Variants in BARX2 observed in about 807,000 individuals in gnomAD.
The protein encoded by BARX2 is BARX homeobox 2.
A neutral mutation model predicts 25.5 loss-of-function variants in BARX2; 11 were observed. The ratio of observed to expected loss-of-function variants is 0.43; its 90% confidence interval spans 0.27 to 0.71. BARX2 has a LOEUF of 0.71. BARX2 is among the 30% of genes least tolerant of loss of function. The pLI is 0.19. For missense variants in BARX2, 360 were observed against 359.9 expected (o/e 1.00, Z 0.00); for synonymous variants, 137 against 149.5 (o/e 0.92, Z 0.61).
intron 1 of BARX2, among the ~76,000 whole-genome samples, chr11:129,416,229 G>A (rs11221706): frequency 0.03 from 4,631 of 152,318 alleles, 199 homozygotes; most frequent in South Asian, 0.16. Context: ...TCACCTTGCA[G>A]TGTTTGGGAA....
intron 1 of BARX2, among the ~76,000 whole-genome samples, chr11:129,416,474 A>G (rs60473222): frequency 0.018 from 2,736 of 152,318 alleles, 74 homozygotes; most frequent in African/African-American, 0.059. Flanking sequence ...AGGGTTTCCA[A>G]TGGATTATCT....
At chr11:129,382,167 C>T (rs1861571764) in intron 1 of BARX2, among the ~76,000 whole-genome samples, 1 of 152,066 alleles carries the variant, frequency 6.6e-6, no homozygotes, top group South Asian at 2.1e-4. Context: ...GAGGCCTCTT[C>T]ATTTGTTTTT....
Position 129,438,423 on chromosome 11 carries a change from T to C in BARX2, c.488+1372T>C, listed in dbSNP as rs1441768447. ...AGCTAATAATGTGTGATCCTATTTA[T>C]TGGGGAGATTTCTCAGGTCCTTCTT... On this transcript the variant is annotated intron_variant, in intron 2 of 3. Coordinates refer to ENST00000281437, the MANE Select transcript of BARX2 (RefSeq NM_003658.5). 3 of 152,148 alleles carry C rather than the reference T, an allele frequency of 2.0e-5. No homozygotes were observed. In the East Asian group the frequency reaches 5.8e-4, roughly 29 times the overall value. The allele number at this position is 152,148 out of a possible 1,614,324, so 9.4% of individuals were successfully genotyped here.
chr11:129,445,017 A>ATAAAT (rs1565523884), intron 3 of BARX2, among the ~76,000 whole-genome samples: 1 of 151,846 alleles, frequency 6.6e-6, no homozygotes, highest in Non-Finnish European at 1.5e-5. Flanking sequence ...TAAAAATAAA[A>ATAAAT]TAAATAAATA....
chr11:129,417,142 C>G lies in BARX2; in HGVS notation c.188-19609C>G, dbSNP rs551358366. Among the ~76,000 whole-genome samples the G allele has an allele frequency of 3.9e-5, 6 of 152,242 alleles. No individual in the cohort carries two copies. In the East Asian group the frequency reaches 9.7e-4, roughly 25 times the overall value. On this transcript the variant is annotated intron_variant, in intron 1 of 3. Transcript: ENST00000281437. ...GGTCTCGAACTCCTGACCTCGTGAT[C>G]CACCCACCTTGGCCTCCCAAAGTGC...
Position 129,376,039 on chromosome 11 carries a change from C to A in BARX2, c.4C>A (p.His2Asn). M[H>N]CHAELRLSSP... ...CGGACGCTCGCGCCGGCTCACCATG[C>A]ACTGCCACGCCGAGCTGAGGCTGAG... The change falls in exon 1 of 4, where the codon CAC becomes AAC. Residue 2 changes from histidine (H) to asparagine (N), a missense_variant. Coordinates refer to ENST00000281437, the MANE Select transcript of BARX2 (RefSeq NM_003658.5). The surrounding 1 kb of genome is among the most constrained non-coding windows in gnomAD (Gnocchi z 4.2). 6.4e-7 allele frequency: 1 copy of A among 1,567,956 alleles called. No individual in the cohort carries two copies. Among genetic ancestry groups the A allele is most frequent in the Non-Finnish European group, 8.6e-7 (1 of 1,160,904 alleles).
At chr11:129,389,378 A>G (rs1861645301) in intron 1 of BARX2, among the ~76,000 whole-genome samples, 1 of 152,170 alleles carries the variant, frequency 6.6e-6, no homozygotes. Flanking sequence ...AGCTGCTTTT[A>G]AGACCCCTTG....
chr11:129,412,245 C>A (rs1275264621), intron 1 of BARX2, among the ~76,000 whole-genome samples: 1 of 150,710 alleles, frequency 6.6e-6, no homozygotes, highest in Non-Finnish European at 1.5e-5. Flanking sequence ...GCACTCCAGC[C>A]TGGGCTACAG....
chr11:129,385,943 C>T (rs901699227), intron 1 of BARX2, among the ~76,000 whole-genome samples: 3 of 152,178 alleles, frequency 2.0e-5, no homozygotes, highest in Non-Finnish European at 4.4e-5. Context: ...GCTTGTTGTA[C>T]ATAGTCTCAC....
chr11:129,391,982 A>G (rs1250445265), intron 1 of BARX2, among the ~76,000 whole-genome samples: 1 of 152,188 alleles, frequency 6.6e-6, no homozygotes, highest in Non-Finnish European at 1.5e-5. Context: ...AGTAATGGTA[A>G]TAAAAGTTAC....
At chr11:129,428,298 A>G (rs1591442506) in intron 1 of BARX2, among the ~76,000 whole-genome samples, 1 of 152,224 alleles carries the variant, frequency 6.6e-6, no homozygotes, top group South Asian at 2.1e-4. Flanking sequence ...TCCCCAGTCA[A>G]CGTTTTCACA....
chr11:129,377,538 A>G (rs1309774703), intron 1 of BARX2, among the ~76,000 whole-genome samples: 3 of 152,256 alleles, frequency 2.0e-5, no homozygotes, highest in East Asian at 3.8e-4. Context: ...CAAGAAATAT[A>G]TGAAACAAGG....
chr11:129,411,104 G>A (rs1280352910), intron 1 of BARX2, among the ~76,000 whole-genome samples: 1 of 152,188 alleles, frequency 6.6e-6, no homozygotes, highest in Non-Finnish European at 1.5e-5. Flanking sequence ...GGGCCCAGTG[G>A]CTCACGCCTG....
chr11:129,394,962 A>G (rs1861703286), intron 1 of BARX2, among the ~76,000 whole-genome samples: 1 of 151,236 alleles, frequency 6.6e-6, no homozygotes, highest in Non-Finnish European at 1.5e-5. Context: ...ACTGGAAAGA[A>G]AACCAAAGCC....
chr11:129,445,757 A>G (rs544160434), intron 3 of BARX2, among the ~76,000 whole-genome samples: 2 of 152,336 alleles, frequency 1.3e-5, no homozygotes, highest in South Asian at 2.1e-4. Flanking sequence ...AACTGGTATT[A>G]TTATTTCACG....
intron 1 of BARX2, among the ~76,000 whole-genome samples, chr11:129,391,918 C>T (rs996662243): frequency 3.3e-5 from 5 of 152,130 alleles, no homozygotes; most frequent in Admixed American, 2.0e-4. Context: ...ATTTGGATGA[C>T]AGTTTATATG....
chr11:129,375,747 G>A (rs1411096496), upstream of BARX2, among the ~76,000 whole-genome samples: 2 of 152,060 alleles, frequency 1.3e-5, no homozygotes, highest in African/African-American at 2.4e-5. The surrounding 1 kb of genome is among the most constrained non-coding windows in gnomAD (Gnocchi z 4.0). Context: ...CGGGGTGGGC[G>A]CGGACGCCCC....
intron 3 of BARX2, among the ~76,000 whole-genome samples, chr11:129,447,059 C>T (rs1198700875): frequency 1.3e-5 from 2 of 152,162 alleles, no homozygotes; most frequent in African/African-American, 4.8e-5. Context: ...ATGCTGAATG[C>T]AATACTGCTA....
upstream of BARX2, among the ~76,000 whole-genome samples, chr11:129,375,638 G>A (rs1861493285): frequency 6.6e-6 from 1 of 152,028 alleles, no homozygotes. The surrounding 1 kb of genome is among the most constrained non-coding windows in gnomAD (Gnocchi z 4.0). Flanking sequence ...TAGAGAGCCA[G>A]GCAGAGGAGC....
Sources: gnomAD v4.1 joint callset for allele counts (sites outside exome capture counted in the v4.1 genomes callset) on GRCh38, gnomAD v4.1.1 for gene constraint, Gnocchi (gnomAD v3.1) non-coding constraint, MANE v1.5 for transcripts, NCBI Gene and HGNC (gene_info 2026-07-23, HGNC 2026-07-21) for gene names.